The following RBM47 variants were observed in gnomAD, a reference collection of about 807,000 sequenced individuals.
RBM47 encodes the protein RNA-binding protein 47.
In RBM47, 21 loss-of-function variants were observed where a neutral mutation model predicts 47.1. The ratio of observed to expected loss-of-function variants is 0.45; its 90% CI spans 0.32 to 0.64. The LOEUF (loss-of-function observed/expected upper bound fraction) is 0.64. Among genes scored for constraint, RBM47 ranks in the 30% least tolerant of loss-of-function variants. The pLI is 0.05. For synonymous variants in RBM47, 375 were observed against 361.7 expected (o/e 1.04, Z -0.42); for missense variants, 708 against 870.9 (o/e 0.81, Z 2.35).
intron 1 of RBM47, among the ~76,000 whole-genome samples, chr4:40,581,465 T>TAAATAAAA (rs1286437869): frequency 1.3e-5 from 2 of 150,398 alleles, no homozygotes; most frequent in African/African-American, 2.4e-5. Flanking sequence ...AATAAATAAA[T>TAAATAAAA]AAAAGGAGAG....
At chr4:40,446,708 C>T (rs1714574749) in intron 3 of RBM47, among the ~76,000 whole-genome samples, 1 of 135,086 alleles carries the variant, frequency 7.4e-6, no homozygotes, top group Non-Finnish European at 1.5e-5. Context: ...CACTGTACTC[C>T]AGCCTAGGTG....
chr4:40,582,336 C>T (rs772734212), intron 1 of RBM47, among the ~76,000 whole-genome samples: 2 of 152,086 alleles, frequency 1.3e-5, no homozygotes, highest in Non-Finnish European at 1.5e-5. Context: ...GAGTTCAAGA[C>T]CAGCCTGGTC....
chr4:40,573,807 A>AAGAAAG (rs1553903539), intron 1 of RBM47, among the ~76,000 whole-genome samples: 10 of 136,756 alleles, frequency 7.3e-5, no homozygotes, highest in South Asian at 4.7e-4. Context: ...GAAAGAAAGA[A>AAGAAAG]AAAGAAAGAA....
In RBM47 at chr4:40,432,694, G is replaced by A. The variant is rs756926169; in HGVS notation, c.1499C>T (p.Ala500Val). The A allele has an allele frequency of 1.9e-6, 3 of 1,599,024 alleles. No homozygotes were observed. Among genetic ancestry groups the A allele is most frequent in the East Asian group, 4.5e-5 (2 of 44,454 alleles). ...AAAAAAAAAA[A>V]AAVIPTVSTP... The stretch of plus-strand genomic sequence containing the variant: ...CGACACAGTGGGAATGACAGCGGCT[G>A]CGGCGGCTGCGGCCGCGGCTGCGGC... The change falls in exon 6 of 7, where the codon GCA (alanine) becomes GTA (valine). Residue 500 changes from alanine to valine, a missense_variant. Transcript: ENST00000295971.
rs562951425 is a variant in RBM47 at position 40,519,041 on chromosome 4, A to T, written c.-155+25381T>A. Among the ~76,000 whole-genome samples the T allele has an allele frequency of 2.2e-3, 327 of 148,316 alleles. 2 individuals carry two copies. Among genetic ancestry groups the T allele is most frequent in the African/African-American group, 6.8e-3 (266 of 39,074 alleles). ...AGACCCTTGTTTCTATAAAAAAAAA[A>T]ATATAAAAAATGATCCAGGCATGGT... On this transcript the variant is annotated intron_variant, in intron 2 of 6. Transcript: ENST00000295971.
chr4:40,548,362 C>G (rs1379334201), intron 1 of RBM47, among the ~76,000 whole-genome samples: 4 of 152,166 alleles, frequency 2.6e-5, no homozygotes, highest in Non-Finnish European at 4.4e-5. Flanking sequence ...CAGGACGTGC[C>G]GCTGCCAAGG....
chr4:40,536,193 T>C (rs1484103053), intron 2 of RBM47, among the ~76,000 whole-genome samples: 2 of 152,240 alleles, frequency 1.3e-5, no homozygotes, highest in African/African-American at 2.4e-5. Context: ...CCAATGAGCA[T>C]GGCTGAAGTG....
chr4:40,451,145 G>C (rs1033760662), intron 3 of RBM47, among the ~76,000 whole-genome samples: 2 of 140,256 alleles, frequency 1.4e-5, no homozygotes, highest in Non-Finnish European at 3.0e-5. Flanking sequence ...CCAGGAGTTC[G>C]AGACCAGCCT....
At chr4:40,613,237 AC>A (rs1378200297) in intron 1 of RBM47, among the ~76,000 whole-genome samples, 2 of 152,196 alleles carry the variant, frequency 1.3e-5, no homozygotes, top group Non-Finnish European at 2.9e-5. Context: ...CTTCATTTTA[AC>A]CAAACCTAAA....
At chr4:40,434,384 A>AG (rs1711950378) in intron 5 of RBM47, among the ~76,000 whole-genome samples, 1 of 152,134 alleles carries the variant, frequency 6.6e-6, no homozygotes, top group African/African-American at 2.4e-5. Context: ...TTAAGCTACA[A>AG]GGGGTTGTAT....
chr4:40,591,226 G>T (rs975198190), intron 1 of RBM47, among the ~76,000 whole-genome samples: 8 of 152,090 alleles, frequency 5.3e-5, no homozygotes, highest in Non-Finnish European at 1.0e-4. Flanking sequence ...GGGGACAAGG[G>T]TCTCCTTGGG....
chr4:40,502,106 T>C lies in RBM47; in HGVS notation c.-154-35407A>G, dbSNP rs112628148. ...ACACTAACATGGTCTAGAACCTCCA[T>C]ACAAGCCAGTCAGCTCAATAGAATG... On this transcript the variant is annotated intron_variant, in intron 2 of 6. Coordinates refer to ENST00000295971, the MANE Select transcript of RBM47 (RefSeq NM_001098634.2). 7.5e-3 allele frequency: 1,154 copies of C among 154,344 alleles called. 15 individuals carry two copies. Among genetic ancestry groups the C allele is most frequent in the African/African-American group, 0.026 (1,094 of 41,564 alleles). The allele number at this position is 154,344 out of a possible 1,614,324, so 9.6% of individuals were successfully genotyped here.
chr4:40,589,188 G>C (rs1715569558), intron 1 of RBM47, among the ~76,000 whole-genome samples: 1 of 151,164 alleles, frequency 6.6e-6, no homozygotes, highest in East Asian at 2.0e-4. Flanking sequence ...GGCTGGTCTC[G>C]AACTCCTGAC....
chr4:40,618,062 G>A (rs946767378), intron 1 of RBM47, among the ~76,000 whole-genome samples: 3 of 151,822 alleles, frequency 2.0e-5, no homozygotes, highest in Non-Finnish European at 4.4e-5. Flanking sequence ...GCTACATTGC[G>A]AAACCCTGTC....
chr4:40,453,159 A>G (rs1715710803), intron 3 of RBM47, among the ~76,000 whole-genome samples: 1 of 152,128 alleles, frequency 6.6e-6, no homozygotes, highest in Non-Finnish European at 1.5e-5. Flanking sequence ...TTAATAACAT[A>G]ATTAATAGCG....
At chr4:40,593,753 G>C (rs1395811165) in intron 1 of RBM47, among the ~76,000 whole-genome samples, 2 of 151,814 alleles carry the variant, frequency 1.3e-5, no homozygotes, top group African/African-American at 4.8e-5. Flanking sequence ...GCGTGGTGGC[G>C]GGCACCTGTA....
chr4:40,550,583 T>C (rs1560463084), intron 1 of RBM47, among the ~76,000 whole-genome samples: 1 of 152,144 alleles, frequency 6.6e-6, no homozygotes, highest in Non-Finnish European at 1.5e-5. Flanking sequence ...CATGCCCGGC[T>C]AATTTTTGTG....
chr4:40,445,461 G>A (rs1714394308), intron 3 of RBM47, among the ~76,000 whole-genome samples: 1 of 152,130 alleles, frequency 6.6e-6, no homozygotes, highest in African/African-American at 2.4e-5. Flanking sequence ...AGATACAAGA[G>A]GGTTTGTTTT....
intron 2 of RBM47, among the ~76,000 whole-genome samples, chr4:40,527,436 A>ATTTTTTTTTTTTT (rs60524903): frequency 4.7e-3 from 495 of 104,672 alleles, no homozygotes; most frequent in Non-Finnish European, 6.7e-3. Context: ...ACACCTGGCA[A>ATTTTTTTTTTTTT]TTTTTTTTTT....
Sources: allele counts gnomAD v4.1 joint callset (sites outside exome capture counted in the v4.1 genomes callset), GRCh38; gene constraint gnomAD v4.1.1; transcripts MANE v1.5; gene names NCBI Gene and HGNC (gene_info 2026-07-23, HGNC 2026-07-21).